TSHZ2: variants seen among roughly 807,000 people sequenced by gnomAD.
TSHZ2 encodes the protein teashirt homolog 2.
TSHZ2 carries 21 observed loss-of-function variants against 74.4 expected under a neutral mutation model. That is an observed-to-expected ratio of 0.28 (90% CI 0.20 to 0.41). The LOEUF is 0.41. Ranked by LOEUF, TSHZ2 falls within the 10% of genes least tolerant of loss-of-function variation. The pLI, the probability that TSHZ2 is intolerant of heterozygous loss-of-function variation, is 1.00. For missense variants in TSHZ2, 1,244 were observed against 1,293.5 expected (o/e 0.96, Z 0.59); for synonymous variants, 540 against 515.3 (o/e 1.05, Z -0.65).
At chr20:53,305,354 G>T (rs959783301) in intron 2 of TSHZ2, among the ~76,000 whole-genome samples, 5 of 152,128 alleles carry the variant, frequency 3.3e-5, no homozygotes, top group Admixed American at 2.0e-4. Context: ...GCTGTAGCCC[G>T]GTAGAAGGCA....
intron 2 of TSHZ2, among the ~76,000 whole-genome samples, chr20:53,481,162 C>T (rs947873365): frequency 1.3e-5 from 2 of 152,180 alleles, no homozygotes; most frequent in African/African-American, 4.8e-5. Flanking sequence ...GCAGGAAATA[C>T]TAACAACAGT....
intron 1 of TSHZ2, among the ~76,000 whole-genome samples, chr20:53,201,478 A>C (rs1435280443): frequency 6.6e-6 from 1 of 151,362 alleles, no homozygotes. Context: ...CGATTCTCCC[A>C]CCTCCCTCTC....
At chr20:53,201,136 G>A (rs1392466326) in intron 1 of TSHZ2, among the ~76,000 whole-genome samples, 1 of 152,272 alleles carries the variant, frequency 6.6e-6, no homozygotes. Flanking sequence ...AATTATCAAA[G>A]AGTTCTGAGC....
At chr20:53,260,977 T>C (rs1232648719) in intron 2 of TSHZ2, among the ~76,000 whole-genome samples, 3 of 152,222 alleles carry the variant, frequency 2.0e-5, no homozygotes. Flanking sequence ...AACTCAGGCA[T>C]AATTATTCAT....
intron 2 of TSHZ2, among the ~76,000 whole-genome samples, chr20:53,417,202 A>T (rs765390886): frequency 6.6e-5 from 10 of 151,698 alleles, no homozygotes; most frequent in Non-Finnish European, 1.3e-4. Flanking sequence ...TCTTGCAAAC[A>T]TCCCTGAGGA....
intron 1 of TSHZ2, among the ~76,000 whole-genome samples, chr20:53,129,438 T>C (rs552897249): frequency 6.6e-6 from 1 of 152,254 alleles, no homozygotes; most frequent in Non-Finnish European, 1.5e-5. Flanking sequence ...TTCCCACATA[T>C]TAAGTAGGAG....
At chr20:53,317,723 T>C (rs1306944665) in intron 2 of TSHZ2, among the ~76,000 whole-genome samples, 1 of 152,318 alleles carries the variant, frequency 6.6e-6, no homozygotes, top group Non-Finnish European at 1.5e-5. Flanking sequence ...ATGAGCAATG[T>C]TGGTTTTCTT....
chr20:53,265,677 G>C (rs545919686), intron 2 of TSHZ2, among the ~76,000 whole-genome samples: 3 of 152,306 alleles, frequency 2.0e-5, no homozygotes, highest in African/African-American at 7.2e-5. Context: ...TGCTCCTTGT[G>C]GGGGAGGCAC....
At chr20:53,385,972 G>C (rs538185235) in intron 2 of TSHZ2, among the ~76,000 whole-genome samples, 1 of 152,172 alleles carries the variant, frequency 6.6e-6, no homozygotes, top group Non-Finnish European at 1.5e-5. Flanking sequence ...GAGGGTGTTA[G>C]ACCCATAGTC....
At chr20:53,363,764 G>A (rs2145609067) in intron 2 of TSHZ2, among the ~76,000 whole-genome samples, 1 of 152,300 alleles carries the variant, frequency 6.6e-6, no homozygotes, top group Non-Finnish European at 1.5e-5. Flanking sequence ...AGTAAGCCAA[G>A]ATCATACTAC....
intron 1 of TSHZ2, among the ~76,000 whole-genome samples, chr20:53,214,638 G>A (rs1025007482): frequency 2.6e-5 from 4 of 152,090 alleles, no homozygotes; most frequent in Admixed American, 1.3e-4. Flanking sequence ...GCTTGAACCC[G>A]GGAGGTGGAG....
chr20:53,020,159 C>T (rs1440473412), intron 1 of TSHZ2, among the ~76,000 whole-genome samples: 2 of 152,202 alleles, frequency 1.3e-5, no homozygotes, highest in Non-Finnish European at 2.9e-5. Flanking sequence ...CACCAGGTCC[C>T]TCCCTGGACA....
chr20:53,415,889 T>A (rs1446247336), intron 2 of TSHZ2, among the ~76,000 whole-genome samples: 5 of 152,230 alleles, frequency 3.3e-5, no homozygotes, highest in African/African-American at 1.2e-4. Flanking sequence ...TAATATTTAA[T>A]GTACTGTTAT....
At chr20:53,275,193 T>C (rs1455449702) in intron 2 of TSHZ2, among the ~76,000 whole-genome samples, 1 of 152,104 alleles carries the variant, frequency 6.6e-6, no homozygotes, top group Non-Finnish European at 1.5e-5. Flanking sequence ...CATGGAAACA[T>C]GTAACAGAGG....
intron 2 of TSHZ2, among the ~76,000 whole-genome samples, chr20:53,305,829 T>C (rs1053981999): frequency 6.6e-6 from 1 of 151,978 alleles, no homozygotes; most frequent in African/African-American, 2.4e-5. Context: ...AATACAAAAA[T>C]TAGCCAGGCA....
chr20:53,281,464 A>G (rs1991060023), intron 2 of TSHZ2, among the ~76,000 whole-genome samples: 1 of 152,210 alleles, frequency 6.6e-6, no homozygotes. Flanking sequence ...ACAAATCTTC[A>G]ACTCTGCCAT....
intron 1 of TSHZ2, among the ~76,000 whole-genome samples, chr20:53,163,283 T>C (rs933851813): frequency 6.6e-6 from 1 of 150,434 alleles, no homozygotes; most frequent in Non-Finnish European, 1.5e-5. Context: ...ATGGCAAACA[T>C]ATTGGGATGT....
chr20:53,408,865 G>A (rs1340660108), intron 2 of TSHZ2, among the ~76,000 whole-genome samples: 1 of 152,170 alleles, frequency 6.6e-6, no homozygotes, highest in Non-Finnish European at 1.5e-5. Flanking sequence ...TCTCACGATG[G>A]TGCAATGGAG....
intron 2 of TSHZ2, among the ~76,000 whole-genome samples, chr20:53,482,949 T>C (rs1986196020): frequency 6.6e-6 from 1 of 152,082 alleles, no homozygotes; most frequent in South Asian, 2.1e-4. Context: ...TAAAAAATAA[T>C]AATGTGTTTT....
Sources: gnomAD v4.1 joint callset for allele counts (sites outside exome capture counted in the v4.1 genomes callset) on GRCh38, gnomAD v4.1.1 for gene constraint, MANE v1.5 for transcripts, NCBI Gene and HGNC (gene_info 2026-07-23, HGNC 2026-07-21) for gene names.